The following PI4K2A variants were observed in gnomAD, a reference collection of about 807,000 sequenced individuals.
PI4K2A encodes phosphatidylinositol 4-kinase type 2-alpha.
PI4K2A carries 20 observed loss-of-function variants against 55.0 expected under a neutral mutation model. That is an observed-to-expected ratio of 0.36 (90% CI 0.26 to 0.53). The LOEUF is 0.53. PI4K2A is among the 20% of genes least tolerant of loss of function. PI4K2A has a pLI of 0.91. For synonymous variants in PI4K2A, 235 were observed against 258.5 expected (o/e 0.91, Z 0.87); for missense variants, 463 against 637.1 (o/e 0.73, Z 2.94).
exon 7 of PI4K2A, chr10:97,666,505 C>A: frequency 6.2e-7 from 1 of 1,612,412 alleles, no homozygotes; most frequent in South Asian, 1.1e-5. Context: ...AAGATCTGAT[C>A]CTTCCAAAGA....
At chr10:97,640,954 A>G in exon 1 of PI4K2A, 7 of 1,464,448 alleles carry the variant, frequency 4.8e-6, no homozygotes, top group Non-Finnish European at 5.4e-6. Context: ...GCGGCGGCCC[A>G]GGGCCAGACC....
At chr10:97,642,921 C>T (rs1216150514) in intron 1 of PI4K2A, among the ~76,000 whole-genome samples, 2 of 128,894 alleles carry the variant, frequency 1.6e-5, no homozygotes, top group Non-Finnish European at 3.2e-5. Context: ...TCCTTCCTTC[C>T]TTCCTTTCTT....
chr10:97,657,090 GT>G, intron 4 of PI4K2A, 116 bp downstream of exon 4: 2 of 958,750 alleles, frequency 2.1e-6, no homozygotes, highest in Non-Finnish European at 3.1e-6. Flanking sequence ...ATCATGTGTA[GT>G]TTTCAGAAGT....
chr10:97,643,819 A>G (rs10882973), intron 1 of PI4K2A, among the ~76,000 whole-genome samples: 25,540 of 152,190 alleles, frequency 0.17, 2,339 homozygotes, highest in Non-Finnish European at 0.21. Flanking sequence ...CTTACATAGC[A>G]TTTACTATAT....
chr10:97,657,116 T>C, intron 4 of PI4K2A, 142 bp downstream of exon 4: 1 of 715,604 alleles, frequency 1.4e-6, no homozygotes, highest in Non-Finnish European at 2.3e-6. Context: ...AGGCCTGGAG[T>C]TAGTATTTGC....
chr10:97,673,839 C>A, exon 9 of PI4K2A: 2 of 1,135,430 alleles, frequency 1.8e-6, no homozygotes, highest in Non-Finnish European at 2.6e-6. Flanking sequence ...TGGAGAGCAG[C>A]ACCTTTAAGA....
At chr10:97,671,096 C>G (rs897000370) in intron 8 of PI4K2A, among the ~76,000 whole-genome samples, 5 of 151,456 alleles carry the variant, frequency 3.3e-5, no homozygotes, top group Non-Finnish European at 7.4e-5. Context: ...GAGATTGTGC[C>G]GTTGCACTCC....
intron 1 of PI4K2A, among the ~76,000 whole-genome samples, chr10:97,646,154 T>G (rs1430854196): frequency 6.6e-6 from 1 of 152,022 alleles, no homozygotes; most frequent in Non-Finnish European, 1.5e-5. Context: ...TGAAACAGAT[T>G]GAATACTAAG....
intron 6 of PI4K2A, 91 bp from the exon 7 acceptor site, chr10:97,666,347 C>G: frequency 8.6e-7 from 1 of 1,165,254 alleles, no homozygotes; most frequent in Non-Finnish European, 1.2e-6. Context: ...AAGAGGGGTT[C>G]TCCTTTAGAA....
intron 1 of PI4K2A, among the ~76,000 whole-genome samples, chr10:97,642,787 G>A (rs1378594131): frequency 2.1e-5 from 3 of 145,280 alleles, no homozygotes; most frequent in Non-Finnish European, 1.6e-5. Context: ...GTCAGCCAGA[G>A]GCTTGCTTGC....
intron 2 of PI4K2A, among the ~76,000 whole-genome samples, chr10:97,653,214 A>G (rs534095932): frequency 1.2e-4 from 19 of 152,356 alleles, no homozygotes; most frequent in African/African-American, 4.6e-4. Flanking sequence ...GTCTGGCTCT[A>G]TGCCTACCTG....
chr10:97,644,149 G>A (rs1251193618), intron 1 of PI4K2A, among the ~76,000 whole-genome samples: 1 of 152,106 alleles, frequency 6.6e-6, no homozygotes, highest in Non-Finnish European at 1.5e-5. Context: ...TCAGGAGTTC[G>A]AGACCAGCCT....
At chr10:97,643,618 G>C (rs117879502) in intron 1 of PI4K2A, among the ~76,000 whole-genome samples, 8 of 152,200 alleles carry the variant, frequency 5.3e-5, no homozygotes, top group Non-Finnish European at 1.0e-4. Context: ...TCTCATAGGG[G>C]AAGTCCAAAC....
intron 1 of PI4K2A, among the ~76,000 whole-genome samples, chr10:97,642,888 C>T (rs112228391): frequency 0.22 from 13,466 of 61,864 alleles, 1,387 homozygotes; most frequent in African/African-American, 0.27. Context: ...TTTCTTTCTT[C>T]CTTCCTTCCT....
At chr10:97,666,602 A>G in intron 7 of PI4K2A, 31 bp downstream of exon 7, 3 of 1,562,918 alleles carry the variant, frequency 1.9e-6, no homozygotes, top group African/African-American at 1.4e-5. Context: ...CCCTATTATC[A>G]TATGGGAGAA....
chr10:97,643,659 C>G (rs932996617), intron 1 of PI4K2A, among the ~76,000 whole-genome samples: 1 of 152,146 alleles, frequency 6.6e-6, no homozygotes, highest in Non-Finnish European at 1.5e-5. Flanking sequence ...TTTTGACGTA[C>G]TCATACTGCT....
Position 97,653,935 on chromosome 10 carries a change from T to A in PI4K2A, c.637-2350T>A, listed in dbSNP as rs867179847. On this transcript the variant is annotated intron_variant, in intron 2 of 8. Transcript: ENST00000370631. ...CCGTCTCAAAAAAAAAAAATACTTG[T>A]CTTCCATGAGACTGAGATGAGACAG... is the stretch of plus-strand genomic sequence containing the variant. 1.3e-4 allele frequency among the ~76,000 whole-genome samples: 20 copies of A among 152,102 alleles called. No homozygotes were observed. In the Middle Eastern group the frequency reaches 0.01, roughly 78 times the overall value.
chr10:97,648,092 ATT>A (rs11332690), intron 1 of PI4K2A, among the ~76,000 whole-genome samples: 19,630 of 120,288 alleles, frequency 0.16, 1,492 homozygotes, highest in Non-Finnish European at 0.2. Flanking sequence ...CACTTAGCTA[ATT>A]TTTTTTTTTT....
chr10:97,642,924 C>CTTTCTTTCCTTTCTTTCTTTCCTTT, intron 1 of PI4K2A, among the ~76,000 whole-genome samples: 1 of 113,614 alleles, frequency 8.8e-6, no homozygotes, highest in East Asian at 2.8e-4. Flanking sequence ...TTCCTTCCTT[C>CTTTCTTTCCTTTCTTTCTTTCCTTT]CTTTCTTTCC....
Sources: allele counts gnomAD v4.1 joint callset (sites outside exome capture counted in the v4.1 genomes callset), GRCh38; gene constraint gnomAD v4.1.1; transcripts MANE v1.5; gene names NCBI Gene and HGNC (gene_info 2026-07-23, HGNC 2026-07-21).